Variants in EEF2KMT observed in about 807,000 individuals in gnomAD.
EEF2KMT encodes eukaryotic elongation factor 2 lysine methyltransferase.
Under a neutral mutation model 35.1 loss-of-function variants are expected in EEF2KMT, and 30 were observed. That is an observed-to-expected ratio of 0.85 (90% CI 0.64 to 1.16). The LOEUF (loss-of-function observed/expected upper bound fraction) is 1.16. Ranked by LOEUF, EEF2KMT falls within the 50% of genes most tolerant of loss-of-function variation. The probability of loss-of-function intolerance (pLI) is 0.00; values close to 1 mark genes in which losing one functional copy is unlikely to be tolerated. For synonymous variants in EEF2KMT, 190 were observed against 187.7 expected, an observed-to-expected ratio of 1.01 and a Z score of -0.10; for missense variants, 499 against 438.2, an observed-to-expected ratio of 1.14 and a Z score of -1.24.
At chr16:5,088,789 C>T (rs1347918113) in intron 7 of EEF2KMT, among the ~76,000 whole-genome samples, 1 of 152,076 alleles carries the variant, frequency 6.6e-6, no homozygotes, top group Non-Finnish European at 1.5e-5. Flanking sequence ...CAGCCCTGAC[C>T]CCGACTGCCC....
intron 7 of EEF2KMT, chr16:5,086,555 C>T (rs920759998): frequency 1.3e-5 from 2 of 152,106 alleles, no homozygotes; most frequent in African/African-American, 4.8e-5. Flanking sequence ...TCTAGCAATC[C>T]TCCCACTTCC....
Position 5,084,820 on chromosome 16 carries a change from A to G in EEF2KMT, c.*812T>C. On this transcript the variant is annotated 3_prime_UTR_variant, in exon 8 of 8. Transcript: ENST00000427587. Reference sequence around the variant, plus strand: ...TTCCGGAAGAACCTGCGGGAGTCGCAGCAGCTCCGATGGGATGAGAGCTGG... The same window carrying G: ...TTCCGGAAGAACCTGCGGGAGTCGCGGCAGCTCCGATGGGATGAGAGCTGG... The G allele has an allele frequency of 6.3e-7, 1 of 1,596,482 alleles. No homozygotes were observed. Among genetic ancestry groups the G allele is most frequent in the Non-Finnish European group, 8.5e-7 (1 of 1,179,778 alleles).
chr16:5,093,740 T>G (rs1197238640), intron 2 of EEF2KMT, among the ~76,000 whole-genome samples, 176 bp from the exon 3 acceptor site: 6 of 152,206 alleles, frequency 3.9e-5, no homozygotes, highest in Admixed American at 1.3e-4. Context: ...ATAAGCTGTT[T>G]CCTAAAAATG....
rs1957504057 is a variant in EEF2KMT, at chr16:5,097,643, C to T, written c.96+1G>A. On this transcript the variant is annotated splice_donor_variant, in intron 1 of 7. Transcript: ENST00000427587. LOFTEE classifies it high-confidence loss of function. Reference sequence around the variant, plus strand: ...GCCTCTCCGCTCGCCCCGCCGCCCACCTGCCAGGGGAAGGAGCGCAGTGTG... The same window carrying T: ...GCCTCTCCGCTCGCCCCGCCGCCCATCTGCCAGGGGAAGGAGCGCAGTGTG... 1.3e-6 allele frequency: 2 copies of T among 1,563,664 alleles called. No homozygotes were observed. Among genetic ancestry groups the T allele is most frequent in the Non-Finnish European group, 1.7e-6 (2 of 1,161,304 alleles).
intron 7 of EEF2KMT, among the ~76,000 whole-genome samples, chr16:5,088,171 G>C (rs537791447): frequency 6.6e-6 from 1 of 152,230 alleles, no homozygotes; most frequent in South Asian, 2.1e-4. Flanking sequence ...TGAACACCTG[G>C]GGTCAAGTAG....
At chr16:5,088,001 G>GCC (rs1957246519) in intron 7 of EEF2KMT, among the ~76,000 whole-genome samples, 1 of 149,872 alleles carries the variant, frequency 6.7e-6, no homozygotes, top group Non-Finnish European at 1.5e-5. Context: ...GAGTGCAGTG[G>GCC]TGAGATCAGG....
chr16:5,092,327 G>A (rs1421696698), intron 3 of EEF2KMT, among the ~76,000 whole-genome samples: 6 of 152,188 alleles, frequency 3.9e-5, no homozygotes. Flanking sequence ...AACAAAAGGT[G>A]CTTTTAAGTG....
At chr16:5,094,817 C>T (rs1303146172) in intron 2 of EEF2KMT, among the ~76,000 whole-genome samples, 1 of 152,180 alleles carries the variant, frequency 6.6e-6, no homozygotes, top group Non-Finnish European at 1.5e-5. Flanking sequence ...TGGAGGATAT[C>T]TGCCTCCTGA....
intron 2 of EEF2KMT, 120 bp from the exon 3 acceptor site, chr16:5,093,684 TG>T: frequency 6.5e-7 from 1 of 1,536,986 alleles, no homozygotes; most frequent in East Asian, 2.4e-5. Context: ...AAGATGTAGA[TG>T]GACACAGCGT....
chr16:5,087,794 C>G (rs1480503253), intron 7 of EEF2KMT, among the ~76,000 whole-genome samples: 2 of 99,708 alleles, frequency 2.0e-5, no homozygotes, highest in African/African-American at 8.4e-5. Context: ...AAGCCAGACT[C>G]TGTCTCAAAA....
At position 5,084,526 on chromosome 16, in the gene EEF2KMT, A is replaced by C; in HGVS notation, c.*1106T>G. 1.4e-6 allele frequency: 1 copy of C among 724,086 alleles called. No individual in the cohort carries two copies. Among genetic ancestry groups the C allele is most frequent in the Non-Finnish European group, 2.3e-6 (1 of 433,178 alleles). The allele number at this position is 724,086 out of a possible 1,614,324, so 44.9% of individuals were successfully genotyped here. A position where few individuals can be genotyped will look rare whatever the true frequency, so the allele number is the denominator to read the frequency against. ...TAGAGGCCGGGAGGTGCTCCAGGGCACCAAGTGTGGGAAAGTGGGACATGC... is the reference window on the plus strand; with the variant it reads ...TAGAGGCCGGGAGGTGCTCCAGGGCCCCAAGTGTGGGAAAGTGGGACATGC... On this transcript the variant is annotated 3_prime_UTR_variant, in exon 8 of 8. Transcript: ENST00000427587.
rs1286781705 is a variant in EEF2KMT at position 5,084,843 on chromosome 16, T to A, written c.*789A>T. Reference sequence around the variant, plus strand: ...GCAGCAGCTCCGATGGGATGAGAGCTGGGTGCAGACTGTGCTCCCTTTGGT... The same window carrying A: ...GCAGCAGCTCCGATGGGATGAGAGCAGGGTGCAGACTGTGCTCCCTTTGGT... On this transcript the variant is annotated 3_prime_UTR_variant, in exon 8 of 8. Transcript: ENST00000427587. 6.3e-7 allele frequency: 1 copy of A among 1,596,488 alleles called. No individual in the cohort carries two copies. Among genetic ancestry groups the A allele is most frequent in the Non-Finnish European group, 8.5e-7 (1 of 1,179,782 alleles).
chr16:5,092,793 T>C (rs1957368696), intron 3 of EEF2KMT, among the ~76,000 whole-genome samples: 1 of 152,092 alleles, frequency 6.6e-6, no homozygotes, highest in East Asian at 1.9e-4. Context: ...TGAAACTCTG[T>C]CTCTATTAAA....
intron 3 of EEF2KMT, 21 bp from the exon 4 acceptor site, chr16:5,091,916 A>G (rs1232938354): frequency 1.9e-6 from 3 of 1,611,072 alleles, no homozygotes; most frequent in Non-Finnish European, 2.5e-6. Context: ...ACAGAGTGAG[A>G]GCTTGTTTGC....
intron 7 of EEF2KMT, 45 bp from the exon 8 acceptor site, chr16:5,085,777 C>T (rs747976218): frequency 1.4e-6 from 2 of 1,447,612 alleles, no homozygotes; most frequent in South Asian, 2.3e-5. Context: ...TGTTTGGGGA[C>T]AGGACATGAG....
intron 3 of EEF2KMT, among the ~76,000 whole-genome samples, chr16:5,092,857 G>A (rs1378294047): frequency 6.6e-6 from 1 of 152,134 alleles, no homozygotes. Context: ...AGCTTCTTAG[G>A]AGGCTGGCAT....
intron 3 of EEF2KMT, among the ~76,000 whole-genome samples, chr16:5,092,494 G>C (rs1223120529): frequency 6.6e-6 from 1 of 152,184 alleles, no homozygotes; most frequent in East Asian, 1.9e-4. Context: ...AGACCTGCTG[G>C]TGACCACAGA....
At chr16:5,089,943 C>G in intron 6 of EEF2KMT, 141 bp downstream of exon 6, 1 of 1,436,556 alleles carries the variant, frequency 7.0e-7, no homozygotes, top group Middle Eastern at 2.5e-4. Flanking sequence ...GTGATGTCAC[C>G]CTGGAGGCCC....
At chr16:5,087,669 G>A (rs539961771) in intron 7 of EEF2KMT, among the ~76,000 whole-genome samples, 21 of 152,036 alleles carry the variant, frequency 1.4e-4, no homozygotes, top group Non-Finnish European at 2.4e-4. Flanking sequence ...GTGGTAGCAC[G>A]TGCCTGTAGT....
Sources: gnomAD v4.1 joint callset for allele counts (sites outside exome capture counted in the v4.1 genomes callset) on GRCh38, gnomAD v4.1.1 for gene constraint, MANE v1.5 for transcripts, NCBI Gene and HGNC (gene_info 2026-07-23, HGNC 2026-07-21) for gene names.